EFNA5: variants seen among roughly 807,000 people sequenced by gnomAD.
EFNA5 encodes ephrin-A5.
Under a neutral mutation model 22.9 loss-of-function variants are expected in EFNA5, and 5 were observed. The observed-to-expected ratio is 0.22, with a 90% confidence interval of 0.11 to 0.46. EFNA5 has a LOEUF of 0.46. EFNA5 is among the 20% of genes least tolerant of loss of function. The pLI is 0.99. For synonymous variants in EFNA5, 113 were observed against 112.2 expected, an observed-to-expected ratio of 1.01 and a Z score of -0.04; for missense variants, 237 against 293.3, an observed-to-expected ratio of 0.81 and a Z score of 1.40.
intron 1 of EFNA5, among the ~76,000 whole-genome samples, chr5:107,601,660 T>C (rs1749597428): frequency 6.6e-6 from 1 of 152,228 alleles, no homozygotes; most frequent in Non-Finnish European, 1.5e-5. Flanking sequence ...TAATACTTGC[T>C]AAGGGTAAGT....
intron 1 of EFNA5, among the ~76,000 whole-genome samples, chr5:107,522,580 T>C (rs1048137929): frequency 6.6e-6 from 1 of 152,018 alleles, no homozygotes; most frequent in South Asian, 2.1e-4. Context: ...AAAAATAAAT[T>C]ATTTATTTTT....
At chr5:107,425,776 A>C (rs1748795401) in intron 2 of EFNA5, among the ~76,000 whole-genome samples, 1 of 152,204 alleles carries the variant, frequency 6.6e-6, no homozygotes. Context: ...AATCTGACTT[A>C]TTATAAAATT....
chr5:107,400,173 C>A (rs908112244), intron 2 of EFNA5, among the ~76,000 whole-genome samples: 3 of 151,940 alleles, frequency 2.0e-5, no homozygotes, highest in African/African-American at 7.3e-5. Flanking sequence ...ATTTAATTCA[C>A]CAAGGTTTTA....
chr5:107,639,832 A>G (rs1482775507), intron 1 of EFNA5, among the ~76,000 whole-genome samples: 1 of 152,240 alleles, frequency 6.6e-6, no homozygotes, highest in African/African-American at 2.4e-5. Flanking sequence ...GTGTAATGAA[A>G]CTATAAACCG....
chr5:107,635,185 C>T (rs1362927096), intron 1 of EFNA5, among the ~76,000 whole-genome samples: 1 of 152,160 alleles, frequency 6.6e-6, no homozygotes, highest in African/African-American at 2.4e-5. Context: ...CTTCTTAAAT[C>T]GCATCCATAT....
chr5:107,653,939 C>A (rs1384247046), intron 1 of EFNA5, among the ~76,000 whole-genome samples: 1 of 152,084 alleles, frequency 6.6e-6, no homozygotes, highest in African/African-American at 2.4e-5. Context: ...GAAGTTAACC[C>A]AAACTCCACG....
chr5:107,637,561 G>A (rs1164448867), intron 1 of EFNA5, among the ~76,000 whole-genome samples: 4 of 150,520 alleles, frequency 2.7e-5, no homozygotes, highest in African/African-American at 9.8e-5. Context: ...TTTCAAGTAT[G>A]GTACTGAGTT....
At chr5:107,515,512 G>T in intron 1 of EFNA5, among the ~76,000 whole-genome samples, 1 of 151,504 alleles carries the variant, frequency 6.6e-6, no homozygotes, top group East Asian at 1.9e-4. Flanking sequence ...CCTAGTAGCT[G>T]GGACTACAGG....
At chr5:107,590,557 T>G (rs1385669869) in intron 1 of EFNA5, among the ~76,000 whole-genome samples, 1 of 152,032 alleles carries the variant, frequency 6.6e-6, no homozygotes, top group Non-Finnish European at 1.5e-5. Flanking sequence ...CTGAGCTATT[T>G]TTTTTTCTAT....
At chr5:107,512,461 T>TA in intron 1 of EFNA5, among the ~76,000 whole-genome samples, 1 of 152,124 alleles carries the variant, frequency 6.6e-6, no homozygotes, top group East Asian at 1.9e-4. Context: ...TGTTTTTTTT[T>TA]ACCTTCTAGG....
chr5:107,473,659 ATTTTT>A (rs564376165), intron 1 of EFNA5, among the ~76,000 whole-genome samples: 1 of 140,920 alleles, frequency 7.1e-6, no homozygotes. Flanking sequence ...TTTCACTTGA[ATTTTT>A]TTTTTTTTTT....
chr5:107,615,961 C>CT (rs1353591986), intron 1 of EFNA5, among the ~76,000 whole-genome samples: 8 of 152,136 alleles, frequency 5.3e-5, no homozygotes, highest in Non-Finnish European at 1.2e-4. Flanking sequence ...AAGAACAATT[C>CT]TGCATTTATA....
intron 2 of EFNA5, among the ~76,000 whole-genome samples, chr5:107,413,343 C>T (rs66505151): frequency 1.3e-5 from 2 of 151,912 alleles, no homozygotes; most frequent in African/African-American, 4.8e-5. Flanking sequence ...TCACTGTTGA[C>T]CTTTAATCAT....
At chr5:107,538,009 G>A (rs1486990675) in intron 1 of EFNA5, among the ~76,000 whole-genome samples, 1 of 152,144 alleles carries the variant, frequency 6.6e-6, no homozygotes, top group East Asian at 1.9e-4. Context: ...TTAGAATGGT[G>A]GGGAAGGCTA....
chr5:107,667,354 G>A (rs958105486), intron 1 of EFNA5, among the ~76,000 whole-genome samples: 1 of 152,018 alleles, frequency 6.6e-6, no homozygotes, highest in Admixed American at 6.5e-5. Flanking sequence ...TACATAGATT[G>A]TAACAGTAAA....
At chr5:107,643,871 T>TTAACAATAA (rs774011307) in intron 1 of EFNA5, among the ~76,000 whole-genome samples, 4 of 146,196 alleles carry the variant, frequency 2.7e-5, no homozygotes, top group African/African-American at 1.1e-4. Context: ...TCTATTTTCT[T>TTAACAATAA]TAATAATAAT....
chr5:107,440,084 A>C (rs763959220), intron 1 of EFNA5, among the ~76,000 whole-genome samples: 1 of 152,216 alleles, frequency 6.6e-6, no homozygotes, highest in Non-Finnish European at 1.5e-5. Flanking sequence ...CATTAAAAGG[A>C]TATCCATTCA....
intron 1 of EFNA5, among the ~76,000 whole-genome samples, chr5:107,546,922 C>T (rs188131611): frequency 4.6e-5 from 7 of 152,168 alleles, no homozygotes; most frequent in African/African-American, 1.7e-4. Context: ...TCTTTTAGAG[C>T]CAAGTTGGTG....
chr5:107,460,459 T>C (rs2112455211), intron 1 of EFNA5, among the ~76,000 whole-genome samples: 1 of 152,296 alleles, frequency 6.6e-6, no homozygotes, highest in East Asian at 1.9e-4. Context: ...CAGACACGTA[T>C]GAATAATGAG....
Sources: gnomAD v4.1 joint callset for allele counts (sites outside exome capture counted in the v4.1 genomes callset) on GRCh38, gnomAD v4.1.1 for gene constraint, MANE v1.5 for transcripts, NCBI Gene and HGNC (gene_info 2026-07-23, HGNC 2026-07-21) for gene names.